The following KATNAL1 variants were observed in gnomAD, a reference collection of about 807,000 sequenced individuals.
KATNAL1 encodes the protein katanin p60 ATPase-containing subunit A-like 1.
KATNAL1 carries 32 observed loss-of-function variants against 55.2 expected under a neutral mutation model. The observed-to-expected ratio is 0.58, with a 90% confidence interval of 0.44 to 0.78. The LOEUF is 0.78. Ranked by LOEUF, KATNAL1 falls within the 30% of genes least tolerant of loss-of-function variation. The pLI is 0.00. For synonymous variants in KATNAL1, 193 were observed against 193.6 expected, an observed-to-expected ratio of 1.00 and a Z score of 0.02; for missense variants, 466 against 600.9, an observed-to-expected ratio of 0.78 and a Z score of 2.35.
chr13:30,245,600 G>C (rs944027205), intron 4 of KATNAL1, among the ~76,000 whole-genome samples: 1 of 152,188 alleles, frequency 6.6e-6, no homozygotes. Flanking sequence ...AATAGGAAGA[G>C]AGAAAGTCAA....
intron 9 of KATNAL1, among the ~76,000 whole-genome samples, chr13:30,223,988 C>T (rs191943148): frequency 1.3e-5 from 2 of 152,232 alleles, no homozygotes; most frequent in Non-Finnish European, 1.5e-5. Flanking sequence ...CAAAAATTGA[C>T]ATCTTACAGA....
intron 1 of KATNAL1, among the ~76,000 whole-genome samples, chr13:30,306,300 T>C (rs898673698): frequency 6.6e-6 from 1 of 152,210 alleles, no homozygotes; most frequent in Non-Finnish European, 1.5e-5. Flanking sequence ...ACATGGTATT[T>C]TTCCTTCCGA....
intron 3 of KATNAL1, among the ~76,000 whole-genome samples, chr13:30,268,846 T>C (rs1240254763): frequency 6.6e-6 from 1 of 152,196 alleles, no homozygotes; most frequent in Non-Finnish European, 1.5e-5. Context: ...GCATTCTACT[T>C]ACTCATTCTT....
intron 4 of KATNAL1, among the ~76,000 whole-genome samples, chr13:30,247,598 CCA>C (rs1877914191): frequency 1.3e-5 from 2 of 152,014 alleles, no homozygotes; most frequent in African/African-American, 2.4e-5. Flanking sequence ...TTCAAATTTG[CCA>C]CAGTCAGCAT....
At chr13:30,259,183 T>C (rs1879037139) in intron 3 of KATNAL1, among the ~76,000 whole-genome samples, 1 of 151,908 alleles carries the variant, frequency 6.6e-6, no homozygotes, top group South Asian at 2.1e-4. Context: ...CTACTAAAAA[T>C]ACAAAAATCA....
intron 3 of KATNAL1, among the ~76,000 whole-genome samples, chr13:30,271,870 GA>G (rs1313387010): frequency 5.9e-5 from 1 of 16,872 alleles, no homozygotes; most frequent in Non-Finnish European, 1.3e-4. Flanking sequence ...CAGAATAAAA[GA>G]AAAGAGGAAA....
In KATNAL1 at chr13:30,271,863, A is replaced by C. The variant is rs555262260; in HGVS notation, c.323+8200T>G. ...AAGAGATAAAAGAAGCTGCAGTCAG[A>C]ATAAAAGAAAAGAGGAAAAAAAAAA... On this transcript the variant is annotated intron_variant, in intron 3 of 10. Transcript: ENST00000380615. 2.7e-5 allele frequency among the ~76,000 whole-genome samples: 4 copies of C among 145,470 alleles called. 1 individual carries two copies. The South Asian group carries it at 8.8e-4, about 32-fold the overall frequency.
At chr13:30,232,773 T>A (rs1340272960) in intron 6 of KATNAL1, among the ~76,000 whole-genome samples, 1 of 152,130 alleles carries the variant, frequency 6.6e-6, no homozygotes, top group Admixed American at 6.5e-5. Flanking sequence ...CTTTCCTGTA[T>A]CTCTTTGTCT....
intron 8 of KATNAL1, among the ~76,000 whole-genome samples, chr13:30,229,752 C>CT (rs1566093907): frequency 6.6e-6 from 1 of 151,962 alleles, no homozygotes; most frequent in African/African-American, 2.4e-5. Context: ...CCCCAAAGAG[C>CT]TTTTTTGTGT....
At chr13:30,218,053 A>T (rs532289179) in intron 9 of KATNAL1, among the ~76,000 whole-genome samples, 1 of 152,226 alleles carries the variant, frequency 6.6e-6, no homozygotes, top group Non-Finnish European at 1.5e-5. Context: ...GAACCTGGGA[A>T]ATGGGAGTAC....
intron 1 of KATNAL1, among the ~76,000 whole-genome samples, chr13:30,286,493 A>C (rs1881798563): frequency 6.6e-6 from 1 of 152,236 alleles, no homozygotes; most frequent in Non-Finnish European, 1.5e-5. Context: ...CAGGATGAGA[A>C]CTGAGGTTTG....
At chr13:30,242,782 T>C (rs923836706) in intron 4 of KATNAL1, among the ~76,000 whole-genome samples, 2 of 152,062 alleles carry the variant, frequency 1.3e-5, no homozygotes, top group Admixed American at 6.6e-5. Context: ...CACATGAGAC[T>C]TGAATACCGA....
intron 3 of KATNAL1, among the ~76,000 whole-genome samples, chr13:30,274,891 A>ACGCGCGCGCGCGTGCGCGCGCGCG (rs371121115): frequency 4.1e-5 from 5 of 122,124 alleles, no homozygotes; most frequent in Non-Finnish European, 8.5e-5. Flanking sequence ...GCACACACAT[A>ACGCGCGCGCGCGTGCGCGCGCGCG]CGCGCGCGCG....
chr13:30,241,790 A>G lies in KATNAL1; in HGVS notation c.493-704T>C, dbSNP rs544878873. Among the ~76,000 whole-genome samples, 3 of 152,322 alleles carry G rather than the reference A, an allele frequency of 2.0e-5. No individual in the cohort carries two copies. The South Asian group carries it at 6.2e-4, about 32-fold the overall frequency. Reference sequence around the variant, plus strand: ...AAACTTCTCCAATCCCACTTCTGAGATAGTCAAAAGGCTCAATCATAAGTG... The same window carrying G: ...AAACTTCTCCAATCCCACTTCTGAGGTAGTCAAAAGGCTCAATCATAAGTG... On this transcript the variant is annotated intron_variant, in intron 4 of 10. Transcript: ENST00000380615.
chr13:30,280,253 G>T, intron 2 of KATNAL1, 30 bp from the exon 3 acceptor site: 1 of 1,538,932 alleles, frequency 6.5e-7, no homozygotes, highest in South Asian at 1.3e-5. Flanking sequence ...CTTTATGCTA[G>T]AAGCTGTTTA....
intron 4 of KATNAL1, among the ~76,000 whole-genome samples, chr13:30,243,608 C>CAAAAAA (rs139687662): frequency 2.5e-4 from 22 of 86,464 alleles, no homozygotes; most frequent in African/African-American, 8.2e-4. Flanking sequence ...GGTATTAAGC[C>CAAAAAA]AAAAAAAAAA....
At chr13:30,300,912 G>C (rs1285705738) in intron 1 of KATNAL1, among the ~76,000 whole-genome samples, 1 of 151,984 alleles carries the variant, frequency 6.6e-6, no homozygotes, top group Non-Finnish European at 1.5e-5. Context: ...AAACATAAAA[G>C]AATCTAGATA....
At chr13:30,209,964 A>T (rs61273904) in intron 10 of KATNAL1, among the ~76,000 whole-genome samples, 2,769 of 152,118 alleles carry the variant, frequency 0.018, 89 homozygotes, top group African/African-American at 0.064. Flanking sequence ...TGTATTTTTT[A>T]GTAGAGGCGG....
At chr13:30,279,642 G>C (rs546597811) in intron 3 of KATNAL1, among the ~76,000 whole-genome samples, 15 of 152,266 alleles carry the variant, frequency 9.9e-5, no homozygotes, top group African/African-American at 3.6e-4. Context: ...TTATCGGTAA[G>C]GTTCCTTCTA....
Sources: allele counts gnomAD v4.1 joint callset (sites outside exome capture counted in the v4.1 genomes callset), GRCh38; gene constraint gnomAD v4.1.1; transcripts MANE v1.5; gene names NCBI Gene and HGNC (gene_info 2026-07-23, HGNC 2026-07-21).